Variants in PTPN2 observed in about 807,000 individuals in gnomAD.
The protein encoded by PTPN2 is tyrosine-protein phosphatase non-receptor type 2.
Under a neutral mutation model 57.3 loss-of-function variants are expected in PTPN2, and 19 were observed. That is an observed-to-expected ratio of 0.33 (90% CI 0.23 to 0.49). The LOEUF is 0.49. PTPN2 is among the 20% of genes least tolerant of loss of function. PTPN2 has a pLI of 0.99. For synonymous variants in PTPN2, 153 were observed against 164.9 expected, an observed-to-expected ratio of 0.93 and a Z score of 0.55; for missense variants, 358 against 501.1, an observed-to-expected ratio of 0.71 and a Z score of 2.73.
intron 6 of PTPN2, among the ~76,000 whole-genome samples, chr18:12,815,085 A>AAAATAAATAAATAAAT (rs199758431): frequency 2.9e-5 from 4 of 137,126 alleles, no homozygotes; most frequent in African/African-American, 1.1e-4. Flanking sequence ...CTCCATCTCA[A>AAAATAAATAAATAAAT]AAATAAATAA....
intron 2 of PTPN2, among the ~76,000 whole-genome samples, chr18:12,857,297 C>T (rs565588551): frequency 5.9e-5 from 9 of 152,138 alleles, no homozygotes; most frequent in Admixed American, 2.0e-4. Context: ...GTGGTGATTC[C>T]AGGAATCTAC....
chr18:12,816,887 G>C (rs534981783), intron 6 of PTPN2, among the ~76,000 whole-genome samples: 1 of 152,132 alleles, frequency 6.6e-6, no homozygotes, highest in Non-Finnish European at 1.5e-5. Context: ...ATGTGGGGGA[G>C]AGACCTATTA....
intron 1 of PTPN2, among the ~76,000 whole-genome samples, chr18:12,868,617 T>A (rs1231068212): frequency 6.6e-6 from 1 of 151,396 alleles, no homozygotes; most frequent in Admixed American, 6.6e-5. Context: ...CAATTATGCC[T>A]AACAACTCTT....
At chr18:12,803,546 G>A (rs1473144856) in intron 7 of PTPN2, among the ~76,000 whole-genome samples, 1 of 152,204 alleles carries the variant, frequency 6.6e-6, no homozygotes, top group Non-Finnish European at 1.5e-5. Context: ...GTGAAGGGAT[G>A]AGAAATGATA....
At chr18:12,817,810 T>G (rs2042127910) in intron 5 of PTPN2, among the ~76,000 whole-genome samples, 1 of 152,216 alleles carries the variant, frequency 6.6e-6, no homozygotes, top group South Asian at 2.1e-4. Context: ...ATATTTTCTT[T>G]AATTCATGTA....
intron 3 of PTPN2, among the ~76,000 whole-genome samples, chr18:12,833,411 T>C (rs2042737065): frequency 6.6e-6 from 1 of 152,172 alleles, no homozygotes; most frequent in African/African-American, 2.4e-5. Flanking sequence ...GAAGTACTTG[T>C]ATGACTAATG....
intron 5 of PTPN2, among the ~76,000 whole-genome samples, chr18:12,822,689 A>G (rs2042311904): frequency 6.6e-6 from 1 of 152,142 alleles, no homozygotes; most frequent in Non-Finnish European, 1.5e-5. Flanking sequence ...TCCAATAAAG[A>G]CAGAGATCTG....
At chr18:12,856,031 C>T (rs1411539070) in intron 2 of PTPN2, among the ~76,000 whole-genome samples, 2 of 152,158 alleles carry the variant, frequency 1.3e-5, no homozygotes, top group East Asian at 3.9e-4. Context: ...CAGAAAGTAG[C>T]CCTCAAGGCA....
chr18:12,790,913 A>G (rs1479650345), downstream of PTPN2, among the ~76,000 whole-genome samples: 1 of 152,194 alleles, frequency 6.6e-6, no homozygotes, highest in African/African-American at 2.4e-5. Flanking sequence ...CAATAATGAA[A>G]TGGACTAAGA....
chr18:12,870,310 C>CATAT (rs1338348193), intron 1 of PTPN2, among the ~76,000 whole-genome samples: 1 of 57,530 alleles, frequency 1.7e-5, no homozygotes, highest in Non-Finnish European at 3.0e-5. Flanking sequence ...TGTATATATA[C>CATAT]ATATATATGT....
At position 12,792,157 on chromosome 18, in the gene PTPN2, T is replaced by C. The variant is rs1417847071; in HGVS notation, c.*2121A>G. ...TGAATCAGGACACAGGCACATGTTATATAAATCTTATTTAATATGTAGTAC... is the reference window on the plus strand; with the variant it reads ...TGAATCAGGACACAGGCACATGTTACATAAATCTTATTTAATATGTAGTAC... On this transcript the variant is annotated 3_prime_UTR_variant, in exon 9 of 9. Transcript: ENST00000309660. 4 of 850,652 alleles carry C rather than the reference T, an allele frequency of 4.7e-6. No homozygotes were observed. Among genetic ancestry groups the C allele is most frequent in the East Asian group, 1.2e-4 (1 of 8,212 alleles). The allele number at this position is 850,652 out of a possible 1,614,324, so 52.7% of individuals were successfully genotyped here. A position where few individuals can be genotyped will look rare whatever the true frequency, so the allele number is the denominator to read the frequency against.
At chr18:12,858,859 T>A (rs973617436) in intron 2 of PTPN2, among the ~76,000 whole-genome samples, 1 of 152,172 alleles carries the variant, frequency 6.6e-6, no homozygotes, top group East Asian at 1.9e-4. Flanking sequence ...GAAATACATA[T>A]GGATATTATA....
At chr18:12,805,029 G>A (rs1197522876) in intron 7 of PTPN2, among the ~76,000 whole-genome samples, 3 of 152,202 alleles carry the variant, frequency 2.0e-5, no homozygotes, top group African/African-American at 4.8e-5. Flanking sequence ...CCATGACCAA[G>A]TGGGATTCAT....
At chr18:12,857,642 T>C (rs532638366) in intron 2 of PTPN2, among the ~76,000 whole-genome samples, 5 of 152,234 alleles carry the variant, frequency 3.3e-5, no homozygotes, top group South Asian at 2.1e-4. Context: ...AATCAGAGAT[T>C]TGGAGGCAGG....
Position 12,794,272 on chromosome 18 carries a change from A to C in PTPN2, c.*6T>G. The C allele has an allele frequency of 6.2e-7, 1 of 1,614,004 alleles. No homozygotes were observed. Among genetic ancestry groups the C allele is most frequent in the Non-Finnish European group, 8.5e-7 (1 of 1,179,908 alleles). On this transcript the variant is annotated 3_prime_UTR_variant, in exon 9 of 9. Coordinates refer to ENST00000309660, the MANE Select transcript of PTPN2 (RefSeq NM_002828.4). ...GTGCAGAAGCTTGCTGGGCAAAATT[A>C]ATTGTTTATAGGGCATTTTGCTGAA...
chr18:12,883,789 G>A, intron 1 of PTPN2: 1 of 301,142 alleles, frequency 3.3e-6, no homozygotes, highest in Non-Finnish European at 6.1e-6. Flanking sequence ...GCATCCACGC[G>A]CTCCCCAAGA....
chr18:12,790,303 G>A (rs116437011), downstream of PTPN2, among the ~76,000 whole-genome samples: 654 of 152,232 alleles, frequency 4.3e-3, 3 homozygotes, highest in African/African-American at 0.015. Flanking sequence ...CAACCAGGCA[G>A]GCAATTTGGG....
At chr18:12,833,308 T>C (rs1045031771) in intron 3 of PTPN2, among the ~76,000 whole-genome samples, 6 of 152,342 alleles carry the variant, frequency 3.9e-5, no homozygotes, top group Middle Eastern at 3.4e-3. Context: ...TAGTTTTCTG[T>C]ATCCTCCATT....
In PTPN2 at chr18:12,864,342, A is replaced by G. The variant is rs114479471; in HGVS notation, c.70-5088T>C. The G allele has an allele frequency of 2.6e-5, 4 of 152,084 alleles. No homozygotes were observed. In the East Asian group the frequency reaches 5.8e-4, roughly 22 times the overall value. The allele number at this position is 152,084 out of a possible 1,614,324, so 9.4% of individuals were successfully genotyped here. Reference sequence around the variant, plus strand: ...CATTATGAAATGGTCCATTCTGATCAATGGCCTTATAGCTTATCTCCATGC... The same window carrying G: ...CATTATGAAATGGTCCATTCTGATCGATGGCCTTATAGCTTATCTCCATGC... On this transcript the variant is annotated intron_variant, in intron 1 of 8. Coordinates refer to ENST00000309660, the MANE Select transcript of PTPN2 (RefSeq NM_002828.4).
Sources: gnomAD v4.1 joint callset for allele counts (sites outside exome capture counted in the v4.1 genomes callset) on GRCh38, gnomAD v4.1.1 for gene constraint, MANE v1.5 for transcripts, NCBI Gene and HGNC (gene_info 2026-07-23, HGNC 2026-07-21) for gene names.